The following FGD5 variants were observed in gnomAD, a reference collection of about 807,000 sequenced individuals.
FGD5 encodes the protein FYVE, RhoGEF and PH domain containing 5, also known as FYVE, RhoGEF and PH domain-containing protein 5.
In FGD5, 28 loss-of-function variants were observed where a neutral mutation model predicts 133.4. The observed-to-expected ratio is 0.21, with a 90% confidence interval of 0.16 to 0.29. The LOEUF (loss-of-function observed/expected upper bound fraction) is 0.29, where lower values mean the gene tolerates loss of function less well. FGD5 is among the 10% of genes least tolerant of loss of function. The pLI, the probability that FGD5 is intolerant of heterozygous loss-of-function variation, is 1.00. For synonymous variants in FGD5, 810 were observed against 776.5 expected (o/e 1.04, Z -0.72); for missense variants, 1,858 against 1,895.2 (o/e 0.98, Z 0.36).
intron 1 of FGD5, among the ~76,000 whole-genome samples, chr3:14,846,745 C>T (rs907192348): frequency 7.2e-5 from 11 of 152,206 alleles, no homozygotes; most frequent in Admixed American, 2.6e-4. Flanking sequence ...AACTGTGGGA[C>T]GCAGGCAGTC....
intron 1 of FGD5, among the ~76,000 whole-genome samples, chr3:14,856,219 T>C (rs982442896): frequency 6.6e-6 from 1 of 152,220 alleles, no homozygotes; most frequent in Non-Finnish European, 1.5e-5. Context: ...TCTATTTTGT[T>C]CCCTTGTTCT....
chr3:14,897,282 T>G, intron 4 of FGD5: 1 of 536,958 alleles, frequency 1.9e-6, no homozygotes. Flanking sequence ...GTGCCAGGCG[T>G]TGGGTTGGGT....
rs112142615 is a variant in FGD5 at position 14,888,970 on chromosome 3, A to C, written c.2748+8198A>C. ...CGGAATGGAGGATGGGCAGCAATCTATGTTTTCCTAAGCCTGGCAGGTAAT... is the reference window on the plus strand; with the variant it reads ...CGGAATGGAGGATGGGCAGCAATCTCTGTTTTCCTAAGCCTGGCAGGTAAT... On this transcript the variant is annotated intron_variant, in intron 4 of 19. Coordinates refer to ENST00000285046, the MANE Select transcript of FGD5 (RefSeq NM_152536.4). Among the ~76,000 whole-genome samples the C allele has an allele frequency of 7.9e-4, 120 of 152,308 alleles. 1 individual carries two copies. The highest frequency in any genetic ancestry group is 2.8e-3 in the African/African-American group (116 of 41,566).
At position 14,820,456 on chromosome 3, in the gene FGD5, T is replaced by G; in HGVS notation, c.1385T>G (p.Leu462Trp). ...ALGGYGSKEE[L>W]NCEAEGGLVP... ...GGTGGTTATGGCTCGAAAGAAGAATTGAACTGTGAGGCAGAGGGTGGCCTG... is the reference window on the plus strand; with the variant it reads ...GGTGGTTATGGCTCGAAAGAAGAATGGAACTGTGAGGCAGAGGGTGGCCTG... The change falls in exon 1 of 20, where the codon TTG (leucine) becomes TGG (tryptophan). Residue 462 changes from leucine (L) to tryptophan (W), a missense_variant. Transcript: ENST00000285046. The G allele has an allele frequency of 5.6e-6, 9 of 1,613,814 alleles. No homozygotes were observed. Among genetic ancestry groups the G allele is most frequent in the Non-Finnish European group, 7.6e-6 (9 of 1,179,842 alleles).
intron 4 of FGD5, among the ~76,000 whole-genome samples, chr3:14,885,722 A>C (rs55900850): frequency 0.043 from 6,577 of 152,202 alleles, 231 homozygotes; most frequent in African/African-American, 0.091. Context: ...GGTAGAAGTG[A>C]ATGGCATTTT....
At chr3:14,877,575 C>G (rs1251026958) in intron 2 of FGD5, among the ~76,000 whole-genome samples, 1 of 152,318 alleles carries the variant, frequency 6.6e-6, no homozygotes, top group East Asian at 1.9e-4. Flanking sequence ...GGCTCGCCCA[C>G]GGTCACACAG....
intron 9 of FGD5, among the ~76,000 whole-genome samples, chr3:14,906,398 G>A (rs1033567313): frequency 2.6e-5 from 4 of 152,188 alleles, no homozygotes; most frequent in Admixed American, 1.3e-4. Context: ...AGGGGTTATC[G>A]CCCCCGTCCT....
At position 14,819,054 on chromosome 3, in the gene FGD5, C is replaced by T; in HGVS notation, c.-18C>T. On this transcript the variant is annotated 5_prime_UTR_variant, in exon 1 of 20. Transcript: ENST00000285046. The surrounding 1 kb of genome is among the most constrained non-coding windows in gnomAD (Gnocchi z 4.1). The stretch of plus-strand genomic sequence containing the variant: ...CCCTTCCTCAGCCAGGCCCGAGAGT[C>T]TTCACAGTCCAAACTCCATGTTCAG... The T allele has an allele frequency of 6.5e-7, 1 of 1,534,880 alleles. No individual in the cohort carries two copies. The highest frequency in any genetic ancestry group is 2.5e-5 in the East Asian group (1 of 40,658).
rs1312055097 is a variant in FGD5 at position 14,821,285 on chromosome 3, G to A, written c.2214G>A (p.Thr738=). The A allele has an allele frequency of 2.5e-6, 4 of 1,613,946 alleles. No individual in the cohort carries two copies. The highest frequency in any genetic ancestry group is 1.3e-5 in the African/African-American group (1 of 75,022). The change falls in exon 1 of 20, where the codon ACG becomes ACA. Residue 738 remains threonine, a synonymous_variant. Coordinates refer to ENST00000285046, the MANE Select transcript of FGD5 (RefSeq NM_152536.4). The part of the protein sequence containing the change: ...GKRKGVPFSR[T]VSRVESFEDR... ...GGAAAGGTGTCCCCTTCAGCAGGAC[G>A]GTGTCCAGAGTGGAGTCCTTTGAAG...
At chr3:14,874,324 G>A (rs1274770675) in intron 2 of FGD5, among the ~76,000 whole-genome samples, 1 of 152,052 alleles carries the variant, frequency 6.6e-6, no homozygotes, top group East Asian at 1.9e-4. Context: ...TTGGAGACCA[G>A]CCTGGGCAAC....
Position 14,864,157 on chromosome 3 carries a change from C to T in FGD5, c.2555C>T (p.Pro852Leu). ...SAYTEPYKVC[P>L]ISSAAPKEDL... ...TACACAGAGCCCTACAAAGTCTGTCCCATCTCGTCGGCAGCCCCCAAAGAG... is the reference window on the plus strand; with the variant it reads ...TACACAGAGCCCTACAAAGTCTGTCTCATCTCGTCGGCAGCCCCCAAAGAG... Residue 852 changes from proline (P) to leucine (L), a missense_variant, in exon 2 of 20, where the codon CCC (proline) becomes CTC (leucine). Around this residue, in one of 3 missense-constraint regions of FGD5, gnomAD observed 1,824 missense variants for 1,848.9 expected, o/e 0.99. Coordinates refer to ENST00000285046, the MANE Select transcript of FGD5 (RefSeq NM_152536.4). 6.2e-7 allele frequency: 1 copy of T among 1,613,950 alleles called. No homozygotes were observed. The highest frequency in any genetic ancestry group is 8.5e-7 in the Non-Finnish European group (1 of 1,179,838).
At chr3:14,923,916 T>C in intron 16 of FGD5, 92 bp from the exon 17 acceptor site, 4 of 1,504,748 alleles carry the variant, frequency 2.7e-6, no homozygotes, top group Non-Finnish European at 3.6e-6. Context: ...ATGGCTCACA[T>C]TCCTAGAGGG....
intron 1 of FGD5, among the ~76,000 whole-genome samples, chr3:14,832,951 C>G (rs914730351): frequency 6.6e-6 from 1 of 152,164 alleles, no homozygotes; most frequent in African/African-American, 2.4e-5. Context: ...CCTTAGATTG[C>G]CTGGCTATGC....
At chr3:14,877,583 C>T (rs1312104637) in intron 2 of FGD5, among the ~76,000 whole-genome samples, 1 of 152,250 alleles carries the variant, frequency 6.6e-6, no homozygotes, top group Non-Finnish European at 1.5e-5. Flanking sequence ...CACGGTCACA[C>T]AGCCACCCAT....
In FGD5 at chr3:14,897,491, G is replaced by T; in HGVS notation, c.2749-18G>T. 1 of 1,597,912 alleles carries T rather than the reference G, an allele frequency of 6.3e-7. No homozygotes were observed. The highest frequency in any genetic ancestry group is 8.5e-7 in the Non-Finnish European group (1 of 1,172,262). The stretch of plus-strand genomic sequence containing the variant: ...CAGTCCTATCAACCTGTGGGTAACA[G>T]ACCTTTTGGTGTTTCAGGATTTCCA... On this transcript the variant is annotated intron_variant, in intron 4 of 19. Coordinates refer to ENST00000285046, the MANE Select transcript of FGD5 (RefSeq NM_152536.4).
At chr3:14,850,786 G>T (rs933965686) in intron 1 of FGD5, among the ~76,000 whole-genome samples, 11 of 140,760 alleles carry the variant, frequency 7.8e-5, no homozygotes, top group African/African-American at 2.8e-4. Context: ...GACCTTGGTT[G>T]GGGGGGCAGT....
intron 2 of FGD5, among the ~76,000 whole-genome samples, chr3:14,876,667 C>T (rs139036785): frequency 5.2e-4 from 79 of 152,280 alleles, no homozygotes; most frequent in African/African-American, 1.7e-3. Flanking sequence ...CTTCCCCACT[C>T]GGTTGGTTGG....
At chr3:14,921,890 C>T in intron 13 of FGD5, 28 bp from the exon 14 acceptor site, 1 of 1,552,634 alleles carries the variant, frequency 6.4e-7, no homozygotes, top group South Asian at 1.2e-5. Context: ...CTGCTCCTGC[C>T]TTTGCTCACT....
upstream of FGD5, among the ~76,000 whole-genome samples, chr3:14,818,684 C>T (rs1252507714): frequency 6.6e-6 from 1 of 152,204 alleles, no homozygotes; most frequent in Non-Finnish European, 1.5e-5. Context: ...ATTTGAGGAG[C>T]ACAGGATTTC....
Sources: gnomAD v4.1 joint callset for allele counts (sites outside exome capture counted in the v4.1 genomes callset) on GRCh38, gnomAD v4.1.1 for gene constraint, gnomAD v4.1.1 regional missense constraint, Gnocchi (gnomAD v3.1) non-coding constraint, MANE v1.5 for transcripts, NCBI Gene and HGNC (gene_info 2026-07-23, HGNC 2026-07-21) for gene names.